Variants in FHOD3 observed in about 807,000 individuals in gnomAD.
The protein encoded by FHOD3 is formin homology 2 domain containing 3.
A neutral mutation model predicts 173.0 loss-of-function variants in FHOD3; 90 were observed. The ratio of observed to expected loss-of-function variants is 0.52; its 90% CI spans 0.44 to 0.62. The LOEUF (loss-of-function observed/expected upper bound fraction) is 0.62, where lower values mean the gene tolerates loss of function less well. FHOD3 is among the 20% of genes least tolerant of loss of function. The pLI is 0.00. For missense variants in FHOD3, 1,945 were observed against 2,034.7 expected, an observed-to-expected ratio of 0.96 and a Z score of 0.85; for synonymous variants, 828 against 823.0, an observed-to-expected ratio of 1.01 and a Z score of -0.10.
chr18:36,593,561 C>G lies in FHOD3; in HGVS notation c.607-1226C>G, dbSNP rs190830742. Among the ~76,000 whole-genome samples the G allele has an allele frequency of 1.2e-3, 181 of 152,318 alleles. 1 individual carries two copies. Among genetic ancestry groups the G allele is most frequent in the Non-Finnish European group, 2.2e-3 (152 of 68,004 alleles). ...GATCCCCCAAATTTACCTATAAATT[C>G]TACCCATGTCCCCTAACACTGTGAT... On this transcript the variant is annotated intron_variant, in intron 6 of 28. Transcript: ENST00000590592.
intron 3 of FHOD3, among the ~76,000 whole-genome samples, chr18:36,404,670 G>A (rs1410385081): frequency 2.6e-5 from 4 of 152,184 alleles, no homozygotes; most frequent in Middle Eastern, 3.4e-3. Context: ...TCATCAGTTC[G>A]TGCAATTCTC....
At chr18:36,616,237 G>A (rs1347351227) in intron 9 of FHOD3, among the ~76,000 whole-genome samples, 2 of 152,140 alleles carry the variant, frequency 1.3e-5, no homozygotes, top group Admixed American at 6.5e-5. Flanking sequence ...CACCACGATC[G>A]GAACTCCTTC....
chr18:36,522,946 G>A (rs181242122), intron 5 of FHOD3, among the ~76,000 whole-genome samples: 57 of 152,220 alleles, frequency 3.7e-4, no homozygotes, highest in East Asian at 1.9e-3. Flanking sequence ...TTATCTTGTC[G>A]TCTTTGCTTT....
chr18:36,451,774 T>C (rs1246322684), intron 3 of FHOD3, among the ~76,000 whole-genome samples: 1 of 152,226 alleles, frequency 6.6e-6, no homozygotes, highest in Non-Finnish European at 1.5e-5. Flanking sequence ...TCAAGCTTAC[T>C]GGCTAACAGG....
chr18:36,349,184 C>A (rs1039706180), intron 1 of FHOD3, among the ~76,000 whole-genome samples: 3 of 152,160 alleles, frequency 2.0e-5, no homozygotes, highest in Non-Finnish European at 2.9e-5. Flanking sequence ...GCGGGGGTGG[C>A]AGGAGCAGCC....
chr18:36,558,784 T>C (rs1314531296), intron 5 of FHOD3, among the ~76,000 whole-genome samples: 1 of 152,210 alleles, frequency 6.6e-6, no homozygotes, highest in African/African-American at 2.4e-5. Flanking sequence ...GTATTAAAAA[T>C]ATGTTAAAAT....
rs560546042 is a variant in FHOD3 at position 36,743,543 on chromosome 18, C to CT, written c.3880-481dup. On this transcript the variant is annotated intron_variant, in intron 22 of 28. Coordinates refer to ENST00000590592, the MANE Select transcript of FHOD3 (RefSeq NM_001281740.3). ...TAAAGAAAAACAACTGTTTAAAAAT[C>CT]TTTTTTTTAAGTTCTGGGGTACATT... 3.9e-5 allele frequency among the ~76,000 whole-genome samples: 6 copies of CT among 151,912 alleles called. No individual in the cohort carries two copies. The East Asian group carries it at 7.7e-4, about 20-fold the overall frequency.
At chr18:36,738,010 T>C (rs2041725609) in intron 20 of FHOD3, among the ~76,000 whole-genome samples, 1 of 152,320 alleles carries the variant, frequency 6.6e-6, no homozygotes, top group Admixed American at 6.5e-5. Flanking sequence ...TCAACCCACC[T>C]CTGGCACCTG....
intron 5 of FHOD3, among the ~76,000 whole-genome samples, chr18:36,575,713 T>C (rs970139431): frequency 1.3e-5 from 2 of 152,236 alleles, no homozygotes; most frequent in Admixed American, 6.5e-5. Flanking sequence ...TGTTTGTTCA[T>C]TATCTATCAG....
chr18:36,736,229 C>T (rs75766692), intron 20 of FHOD3, among the ~76,000 whole-genome samples: 18 of 152,334 alleles, frequency 1.2e-4, no homozygotes, highest in African/African-American at 1.7e-4. Flanking sequence ...AGGGAGTACC[C>T]GCAACCCCTG....
At chr18:36,634,469 G>C (rs1238440771) in intron 10 of FHOD3, among the ~76,000 whole-genome samples, 2 of 152,170 alleles carry the variant, frequency 1.3e-5, no homozygotes, top group African/African-American at 4.8e-5. Flanking sequence ...TGAGTCTGCA[G>C]TAGAATAGCA....
chr18:36,578,723 CCTT>C (rs1196945299), intron 6 of FHOD3, among the ~76,000 whole-genome samples: 3 of 152,102 alleles, frequency 2.0e-5, no homozygotes, highest in Non-Finnish European at 2.9e-5. Context: ...GGCTGTATCT[CCTT>C]CTCAGGCTTC....
intron 20 of FHOD3, among the ~76,000 whole-genome samples, chr18:36,738,919 C>T (rs1038842859): frequency 5.9e-5 from 9 of 152,052 alleles, no homozygotes; most frequent in South Asian, 4.2e-4. Flanking sequence ...TCTGCTTTAC[C>T]GTGTAACTTT....
intron 16 of FHOD3, among the ~76,000 whole-genome samples, chr18:36,691,804 A>C (rs543835824): frequency 6.6e-6 from 1 of 152,262 alleles, no homozygotes; most frequent in East Asian, 1.9e-4. Context: ...TTCTCCCTGC[A>C]TGCTCTGCCT....
Position 36,755,165 on chromosome 18 carries a change from C to G in FHOD3, c.4279C>G (p.Arg1427Gly). 2 of 1,611,266 alleles carry G rather than the reference C, an allele frequency of 1.2e-6. No individual in the cohort carries two copies. Among genetic ancestry groups the G allele is most frequent in the South Asian group, 2.2e-5 (2 of 90,738 alleles). The change falls in exon 25 of 29, where the codon CGG becomes GGG. Residue 1427 changes from arginine to glycine, a missense_variant. By Grantham distance (125) the Arg-to-Gly change is moderately radical. This residue lies in a region of FHOD3 where 354 missense variants were observed against 359.9 expected (regional missense o/e 0.98). Coordinates refer to ENST00000590592, the MANE Select transcript of FHOD3 (RefSeq NM_001281740.3). ...LFMGHPPYAI[R>G]EVNINKFCRI... ...TATGGGCCATCCACCTTATGCAATT[C>G]GGGAAGTGAACATAAACAAATTCTG...
At chr18:36,577,868 G>T (rs2058712308) in intron 6 of FHOD3, among the ~76,000 whole-genome samples, 1 of 152,196 alleles carries the variant, frequency 6.6e-6, no homozygotes, top group Non-Finnish European at 1.5e-5. Flanking sequence ...AGTCTTCTCT[G>T]GTTTCTGCCG....
chr18:36,361,685 CA>C (rs539956783), intron 2 of FHOD3, among the ~76,000 whole-genome samples: 7,925 of 66,834 alleles, frequency 0.12, 615 homozygotes, highest in African/African-American at 0.31. Flanking sequence ...GACTCCGTCT[CA>C]AAAAAAAAAA....
intron 3 of FHOD3, among the ~76,000 whole-genome samples, chr18:36,463,624 G>C (rs1321469363): frequency 1.4e-5 from 2 of 146,610 alleles, no homozygotes; most frequent in Non-Finnish European, 3.0e-5. Context: ...TCAGCCTCCT[G>C]AGCTGGGACT....
intron 5 of FHOD3, among the ~76,000 whole-genome samples, chr18:36,546,199 T>G (rs2147213191): frequency 6.6e-6 from 1 of 152,338 alleles, no homozygotes; most frequent in East Asian, 1.9e-4. Context: ...CTTGAGATGT[T>G]TCTGGCAACC....
Sources: gnomAD v4.1 joint callset for allele counts (sites outside exome capture counted in the v4.1 genomes callset) on GRCh38, gnomAD v4.1.1 for gene constraint, gnomAD v4.1.1 regional missense constraint, MANE v1.5 for transcripts, NCBI Gene and HGNC (gene_info 2026-07-23, HGNC 2026-07-21) for gene names.